Variants in PEX14 observed in about 807,000 individuals in gnomAD.
PEX14 encodes peroxisomal membrane protein PEX14.
A neutral mutation model predicts 49.5 loss-of-function variants in PEX14; 15 were observed. That is an observed-to-expected ratio of 0.30 (90% confidence interval 0.20 to 0.47). The LOEUF (loss-of-function observed/expected upper bound fraction) is 0.47, where lower values mean the gene tolerates loss of function less well. Ranked by LOEUF, PEX14 falls within the 20% of genes least tolerant of loss-of-function variation. The probability of loss-of-function intolerance (pLI) is 1.00; values close to 1 mark genes in which losing one functional copy is unlikely to be tolerated. For synonymous variants in PEX14, 210 were observed against 212.7 expected (o/e 0.99, Z 0.11); for missense variants, 398 against 494.8 (o/e 0.80, Z 1.86).
At chr1:10,598,076 T>G (rs1640877530) in intron 3 of PEX14, among the ~76,000 whole-genome samples, 1 of 152,250 alleles carries the variant, frequency 6.6e-6, no homozygotes, top group Non-Finnish European at 1.5e-5. Context: ...TGTGGGCCTC[T>G]AATGGAGAGC....
intron 3 of PEX14, among the ~76,000 whole-genome samples, chr1:10,550,285 T>G (rs976720712): frequency 6.6e-6 from 1 of 152,200 alleles, no homozygotes; most frequent in African/African-American, 2.4e-5. Flanking sequence ...GGAGCTTGAT[T>G]TGATCTAGGA....
At chr1:10,538,525 T>C (rs185655966) in intron 3 of PEX14, among the ~76,000 whole-genome samples, 14 of 152,356 alleles carry the variant, frequency 9.2e-5, no homozygotes, top group Admixed American at 5.9e-4. Context: ...CATTTCCGAG[T>C]TGAATCCCAA....
Position 10,613,349 on chromosome 1 carries a change from T to C in PEX14, c.299-4983T>C, listed in dbSNP as rs1208141376. Among the ~76,000 whole-genome samples, 3 of 152,210 alleles carry C rather than the reference T, an allele frequency of 2.0e-5. No homozygotes were observed. The highest frequency in any genetic ancestry group is 4.4e-5 in the Non-Finnish European group (3 of 68,020). Reference sequence around the variant, plus strand: ...TCCTGCCCCCGCTCTACCATGGTTTTACCCAAACTGGAGCCTTTGCGCAGG... The same window carrying C: ...TCCTGCCCCCGCTCTACCATGGTTTCACCCAAACTGGAGCCTTTGCGCAGG... On this transcript the variant is annotated intron_variant, in intron 4 of 8. Coordinates refer to ENST00000356607, the MANE Select transcript of PEX14 (RefSeq NM_004565.3). The surrounding 1 kb of genome is among the most constrained non-coding windows in gnomAD (Gnocchi z 5.0).
At chr1:10,616,876 G>A (rs572061569) in intron 4 of PEX14, 7 of 152,366 alleles carry the variant, frequency 4.6e-5, no homozygotes, top group African/African-American at 1.7e-4. Flanking sequence ...ATCTGCTTGG[G>A]AGGCTGAGGT....
At chr1:10,493,342 C>T (rs146266694) in intron 1 of PEX14, among the ~76,000 whole-genome samples, 2 of 152,142 alleles carry the variant, frequency 1.3e-5, no homozygotes, top group South Asian at 2.1e-4. Context: ...AGAAAGCTGA[C>T]GCAGTGGTCC....
chr1:10,567,026 A>G (rs145538148), intron 3 of PEX14, among the ~76,000 whole-genome samples: 3 of 152,310 alleles, frequency 2.0e-5, no homozygotes, highest in Non-Finnish European at 4.4e-5. Context: ...TCTGAACACT[A>G]CTCATCGCCA....
chr1:10,532,320 A>C (rs527726174), intron 2 of PEX14, among the ~76,000 whole-genome samples: 2 of 152,004 alleles, frequency 1.3e-5, no homozygotes, highest in African/African-American at 2.4e-5. Flanking sequence ...AAATTTCCCC[A>C]AAATTGTGGA....
chr1:10,535,666 T>C (rs1638777894), intron 2 of PEX14, among the ~76,000 whole-genome samples: 1 of 152,172 alleles, frequency 6.6e-6, no homozygotes, highest in Non-Finnish European at 1.5e-5. Context: ...TGGTACACAG[T>C]ACAGGCACTG....
chr1:10,569,023 G>A (rs1400947313), intron 3 of PEX14, among the ~76,000 whole-genome samples: 1 of 152,158 alleles, frequency 6.6e-6, no homozygotes, highest in Non-Finnish European at 1.5e-5. Context: ...TTACAGGCAT[G>A]AGCCACTGTG....
At chr1:10,615,660 G>A (rs987894023) in intron 4 of PEX14, among the ~76,000 whole-genome samples, 2 of 152,248 alleles carry the variant, frequency 1.3e-5, no homozygotes, top group South Asian at 2.1e-4. Flanking sequence ...CACAGGGTGC[G>A]TGTCCCCATG....
chr1:10,619,056 T>C (rs1322950978), intron 5 of PEX14, among the ~76,000 whole-genome samples: 2 of 152,240 alleles, frequency 1.3e-5, no homozygotes, highest in Non-Finnish European at 2.9e-5. Context: ...CTCTGTCTGT[T>C]GTGCTGCCAT....
intron 4 of PEX14, among the ~76,000 whole-genome samples, chr1:10,601,917 T>C (rs529182305): frequency 5.0e-4 from 76 of 152,368 alleles, no homozygotes; most frequent in Non-Finnish European, 9.3e-4. Flanking sequence ...TCTGTTCTGT[T>C]CCAGCTGTTT....
At chr1:10,503,931 G>A (rs1399733828) in intron 2 of PEX14, among the ~76,000 whole-genome samples, 1 of 151,850 alleles carries the variant, frequency 6.6e-6, no homozygotes, top group African/African-American at 2.4e-5. Context: ...ATGGGGTTTT[G>A]CCATGTTGGC....
intron 3 of PEX14, among the ~76,000 whole-genome samples, chr1:10,587,940 T>G (rs1640548830): frequency 8.3e-6 from 1 of 120,574 alleles, no homozygotes. Flanking sequence ...AGAGATGGAG[T>G]CTTGGCCAGG....
At chr1:10,554,150 A>G (rs1037623839) in intron 3 of PEX14, among the ~76,000 whole-genome samples, 43 of 151,264 alleles carry the variant, frequency 2.8e-4, no homozygotes, top group African/African-American at 1.0e-3. Flanking sequence ...AAAAAAAAAA[A>G]AAAATTAGCC....
At chr1:10,602,424 A>C (rs1641013610) in intron 4 of PEX14, among the ~76,000 whole-genome samples, 1 of 148,486 alleles carries the variant, frequency 6.7e-6, no homozygotes, top group African/African-American at 2.5e-5. Context: ...AAACTGCTTA[A>C]AAAAAAAAAA....
intron 1 of PEX14, among the ~76,000 whole-genome samples, chr1:10,475,873 G>A (rs1471756172): frequency 2.0e-5 from 3 of 152,160 alleles, no homozygotes; most frequent in African/African-American, 7.2e-5. Flanking sequence ...CTCGTTTAGT[G>A]TTCACTACAA....
At chr1:10,503,907 A>T (rs1166203721) in intron 2 of PEX14, among the ~76,000 whole-genome samples, 1 of 151,548 alleles carries the variant, frequency 6.6e-6, no homozygotes, top group Non-Finnish European at 1.5e-5. Flanking sequence ...CTAATTTTTT[A>T]ATTTTTAGTA....
intron 3 of PEX14, among the ~76,000 whole-genome samples, chr1:10,556,253 C>T (rs1639485767): frequency 6.6e-6 from 1 of 152,156 alleles, no homozygotes; most frequent in Non-Finnish European, 1.5e-5. Context: ...ATACTGTGAA[C>T]ATGCTGCCTC....
Sources: allele counts gnomAD v4.1 joint callset (sites outside exome capture counted in the v4.1 genomes callset), GRCh38; gene constraint gnomAD v4.1.1; non-coding constraint Gnocchi (gnomAD v3.1); transcripts MANE v1.5; gene names NCBI Gene and HGNC (gene_info 2026-07-23, HGNC 2026-07-21).